Variants in ARHGAP11B observed in about 807,000 individuals in gnomAD.
The protein encoded by ARHGAP11B is Rho GTPase activating protein 11B, also known as inactive Rho GTPase-activating protein 11B.
In ARHGAP11B, 14 loss-of-function variants were observed where a neutral mutation model predicts 27.6. The ratio of observed to expected loss-of-function variants is 0.51; its 90% CI spans 0.34 to 0.79. ARHGAP11B has a LOEUF of 0.79. Ranked by LOEUF, ARHGAP11B falls within the 30% of genes least tolerant of loss-of-function variation. ARHGAP11B has a pLI of 0.02. For synonymous variants in ARHGAP11B, 82 were observed against 114.1 expected, an observed-to-expected ratio of 0.72 and a Z score of 1.80; for missense variants, 245 against 320.1, an observed-to-expected ratio of 0.77 and a Z score of 1.79.
chr15:30,636,788 C>T (rs1167470902), intron 6 of ARHGAP11B, among the ~76,000 whole-genome samples: 1 of 152,104 alleles, frequency 6.6e-6, no homozygotes, highest in Non-Finnish European at 1.5e-5. Context: ...CTTAGCATTC[C>T]TTGGCTTGCA....
chr15:30,629,729 T>C (rs1160787612), intron 1 of ARHGAP11B, among the ~76,000 whole-genome samples: 2 of 152,130 alleles, frequency 1.3e-5, no homozygotes, highest in Non-Finnish European at 2.9e-5. Context: ...GTGATTTTTA[T>C]TGTAAAGTTA....
chr15:30,647,964 G>GT (rs1374350804), intron 10 of ARHGAP11B, among the ~76,000 whole-genome samples: 1 of 151,824 alleles, frequency 6.6e-6, no homozygotes, highest in Non-Finnish European at 1.5e-5. Context: ...AACTGTTCTT[G>GT]TTTTTTTATT....
At chr15:30,631,370 A>G (rs1433423860) in intron 2 of ARHGAP11B, among the ~76,000 whole-genome samples, 1 of 152,000 alleles carries the variant, frequency 6.6e-6, no homozygotes, top group African/African-American at 2.4e-5. Flanking sequence ...TTGTTTGTTA[A>G]AAAAATATTG....
rs535126463 is a variant in ARHGAP11B at position 30,629,927 on chromosome 15, C to A, written c.130-776C>A. On this transcript the variant is annotated intron_variant, in intron 1 of 10. Coordinates refer to ENST00000428041, the Ensembl canonical transcript of ARHGAP11B. ...TGCCTTTCAGTGCTGTGGAAAGCGA[C>A]ACATTTTTAAGAGGTTCGAATGCAC... 6.7e-4 allele frequency among the ~76,000 whole-genome samples: 102 copies of A among 152,168 alleles called. 1 individual carries two copies. Among genetic ancestry groups the A allele is most frequent in the South Asian group, 3.9e-3 (19 of 4,820 alleles).
At chr15:30,628,623 A>G (rs764844736) in intron 1 of ARHGAP11B, among the ~76,000 whole-genome samples, 3 of 152,158 alleles carry the variant, frequency 2.0e-5, no homozygotes, top group Admixed American at 6.5e-5. Flanking sequence ...TCATCTAATG[A>G]TAGTTGTCAT....
exon 11 of ARHGAP11B, chr15:30,648,946 G>A (rs1595682766): frequency 6.6e-6 from 1 of 151,954 alleles, no homozygotes; most frequent in South Asian, 2.1e-4. Context: ...ACTTTGAGAA[G>A]GCTTATGGTA....
At chr15:30,638,223 G>A (rs868479695) in intron 6 of ARHGAP11B, among the ~76,000 whole-genome samples, 1 of 151,828 alleles carries the variant, frequency 6.6e-6, no homozygotes, top group Non-Finnish European at 1.5e-5. Context: ...GGCATTAAAG[G>A]TCTTTCATAG....
At chr15:30,631,247 C>T (rs1194267642) in intron 2 of ARHGAP11B, among the ~76,000 whole-genome samples, 1 of 151,532 alleles carries the variant, frequency 6.6e-6, no homozygotes, top group African/African-American at 2.4e-5. Flanking sequence ...TTAGAAATCA[C>T]AAAAAATTTT....
At chr15:30,646,713 T>C (rs888333127) in intron 9 of ARHGAP11B, among the ~76,000 whole-genome samples, 1 of 150,324 alleles carries the variant, frequency 6.7e-6, no homozygotes, top group African/African-American at 2.4e-5. Flanking sequence ...CTCATGCCTG[T>C]AATCCCAGCA....
chr15:30,641,397 A>G (rs937706978), intron 7 of ARHGAP11B: 131 of 150,348 alleles, frequency 8.7e-4, no homozygotes, highest in African/African-American at 3.1e-3. Flanking sequence ...GTGCAATGGC[A>G]CAATCTCGGC....
chr15:30,636,057 T>C (rs926613510), intron 6 of ARHGAP11B, among the ~76,000 whole-genome samples: 2 of 150,892 alleles, frequency 1.3e-5, no homozygotes, highest in African/African-American at 4.9e-5. Flanking sequence ...TTGAGTGAAG[T>C]GTTCAGCATA....
At chr15:30,635,993 A>G (rs1240952530) in intron 6 of ARHGAP11B, among the ~76,000 whole-genome samples, 1 of 150,058 alleles carries the variant, frequency 6.7e-6, no homozygotes, top group Non-Finnish European at 1.5e-5. Flanking sequence ...CTATGAAGAA[A>G]GGTTTGTGTA....
intron 7 of ARHGAP11B, among the ~76,000 whole-genome samples, chr15:30,639,971 A>AGAGTGTGT (rs371550239): frequency 3.5e-5 from 5 of 143,288 alleles, no homozygotes; most frequent in South Asian, 4.6e-4. Context: ...TTCAATATAG[A>AGAGTGTGT]GTGTGTGTGT....
At chr15:30,643,609 G>A (rs1315634282) in intron 7 of ARHGAP11B, among the ~76,000 whole-genome samples, 4 of 152,128 alleles carry the variant, frequency 2.6e-5, no homozygotes, top group Admixed American at 1.3e-4. Flanking sequence ...GTTATAAAAC[G>A]TATGACTCAA....
intron 2 of ARHGAP11B, among the ~76,000 whole-genome samples, 192 bp downstream of exon 2, chr15:30,630,965 AG>A (rs2060241696): frequency 6.6e-6 from 1 of 151,988 alleles, no homozygotes; most frequent in South Asian, 2.1e-4. Context: ...CCAGCTACTC[AG>A]GGGGCTGGGG....
At chr15:30,642,779 C>T (rs1472673964) in intron 7 of ARHGAP11B, among the ~76,000 whole-genome samples, 4 of 151,958 alleles carry the variant, frequency 2.6e-5, no homozygotes, top group Non-Finnish European at 4.4e-5. Context: ...TAAAGAAAAG[C>T]TCTAATATAA....
At chr15:30,626,871 C>T (rs1266550581) in exon 1 of ARHGAP11B, 11 of 1,613,396 alleles carry the variant, frequency 6.8e-6, no homozygotes, top group Non-Finnish European at 8.5e-7. Context: ...ATCTGCGGGC[C>T]TTCTATGGTA....
At position 30,634,106 on chromosome 15, in the gene ARHGAP11B, G is replaced by C. The variant is rs542935680; in HGVS notation, c.298-64G>C. The C allele has an allele frequency of 1.9e-5, 31 of 1,602,628 alleles. No homozygotes were observed. In the East Asian group the frequency reaches 6.0e-4, roughly 31 times the overall value. On this transcript the variant is annotated intron_variant, in intron 3 of 10. Coordinates refer to ENST00000428041, the Ensembl canonical transcript of ARHGAP11B. ...AAAGTGTAATTAGAGTATAACAAAAGATTCTTTATTTGCAATAAACTCTTA... is the reference window on the plus strand; with the variant it reads ...AAAGTGTAATTAGAGTATAACAAAACATTCTTTATTTGCAATAAACTCTTA...
exon 6 of ARHGAP11B, chr15:30,635,514 A>G (rs1567513892): frequency 1.2e-6 from 2 of 1,613,470 alleles, no homozygotes; most frequent in Non-Finnish European, 8.5e-7. Flanking sequence ...ATCCTGGAAA[A>G]GATACCAGCC....
Sources: allele counts gnomAD v4.1 joint callset (sites outside exome capture counted in the v4.1 genomes callset), GRCh38; gene constraint gnomAD v4.1.1; transcripts MANE v1.5; gene names NCBI Gene and HGNC (gene_info 2026-07-23, HGNC 2026-07-21).